The following CTIF variants were observed in gnomAD, a reference collection of about 807,000 sequenced individuals.
CTIF encodes CBP80/20-dependent translation initiation factor.
A neutral mutation model predicts 66.0 loss-of-function variants in CTIF; 21 were observed. The observed-to-expected ratio is 0.32, with a 90% confidence interval of 0.23 to 0.46. CTIF has a LOEUF of 0.46. CTIF is among the 20% of genes least tolerant of loss of function. The pLI is 1.00. For synonymous variants in CTIF, 345 were observed against 326.4 expected (o/e 1.06, Z -0.62); for missense variants, 739 against 812.7 (o/e 0.91, Z 1.10).
intron 1 of CTIF, among the ~76,000 whole-genome samples, chr18:48,562,931 A>G (rs1325707621): frequency 6.6e-6 from 1 of 152,238 alleles, no homozygotes; most frequent in Non-Finnish European, 1.5e-5. Context: ...AAATCAGCAA[A>G]GGAGACTGCA....
intron 7 of CTIF, among the ~76,000 whole-genome samples, chr18:48,750,515 A>G (rs1029504903): frequency 6.6e-6 from 1 of 152,242 alleles, no homozygotes; most frequent in Non-Finnish European, 1.5e-5. Flanking sequence ...GGCCACCCGA[A>G]AAACAATCCC....
intron 2 of CTIF, among the ~76,000 whole-genome samples, chr18:48,635,317 CTTTTT>C (rs1568091523): frequency 7.5e-6 from 1 of 132,944 alleles, no homozygotes; most frequent in Non-Finnish European, 1.6e-5. Context: ...TTTTCTTTTT[CTTTTT>C]CTTTCTTTTT....
chr18:48,834,097 G>A (rs1421731432), intron 10 of CTIF, among the ~76,000 whole-genome samples: 2 of 150,402 alleles, frequency 1.3e-5, no homozygotes, highest in Non-Finnish European at 3.0e-5. Context: ...GTCGGCAAAT[G>A]TCTGGTATGA....
chr18:48,729,473 G>A (rs1330841345), intron 7 of CTIF, among the ~76,000 whole-genome samples: 2 of 152,180 alleles, frequency 1.3e-5, no homozygotes, highest in Non-Finnish European at 2.9e-5. Flanking sequence ...AAATAAAGAT[G>A]GCTCCCCCAG....
intron 1 of CTIF, among the ~76,000 whole-genome samples, chr18:48,551,976 G>A (rs368437190): frequency 6.6e-6 from 1 of 151,850 alleles, no homozygotes; most frequent in African/African-American, 2.4e-5. Flanking sequence ...TATTTTTTTT[G>A]TATTTTTAGT....
chr18:48,643,132 T>A (rs2090964538), intron 3 of CTIF, among the ~76,000 whole-genome samples: 1 of 152,152 alleles, frequency 6.6e-6, no homozygotes, highest in African/African-American at 2.4e-5. Context: ...CCACCTCAAA[T>A]CCTTGATGGA....
intron 2 of CTIF, among the ~76,000 whole-genome samples, chr18:48,628,457 ATGT>A (rs1238611527): frequency 3.9e-5 from 6 of 152,118 alleles, no homozygotes; most frequent in African/African-American, 1.4e-4. Context: ...AGTCTTGAAG[ATGT>A]TGTTATTATT....
intron 1 of CTIF, among the ~76,000 whole-genome samples, chr18:48,571,405 C>G (rs1326732562): frequency 1.3e-5 from 2 of 152,222 alleles, no homozygotes; most frequent in African/African-American, 4.8e-5. Context: ...ATCCACCCTC[C>G]TCGGCCTCCC....
At chr18:48,823,568 C>T (rs751508255) in intron 10 of CTIF, among the ~76,000 whole-genome samples, 5 of 152,160 alleles carry the variant, frequency 3.3e-5, no homozygotes, top group Admixed American at 6.5e-5. Flanking sequence ...GCTGTAGCTT[C>T]GGGATACATT....
At chr18:48,623,404 C>T (rs1329911853) in intron 2 of CTIF, among the ~76,000 whole-genome samples, 13 of 152,168 alleles carry the variant, frequency 8.5e-5, no homozygotes, top group East Asian at 3.8e-4. Flanking sequence ...CCTGGGGTAC[C>T]GACTCTGGAA....
chr18:48,707,107 G>A (rs1598903494), intron 6 of CTIF, among the ~76,000 whole-genome samples: 1 of 152,204 alleles, frequency 6.6e-6, no homozygotes, highest in African/African-American at 2.4e-5. Context: ...TCTCATGTGG[G>A]GAGTGCAGGA....
intron 1 of CTIF, among the ~76,000 whole-genome samples, chr18:48,618,998 C>T (rs1005845224): frequency 5.9e-5 from 9 of 152,208 alleles, no homozygotes; most frequent in African/African-American, 7.2e-5. Flanking sequence ...TTATAAGTTA[C>T]GGCCCATAGG....
chr18:48,619,143 G>A (rs1037357576), intron 1 of CTIF, among the ~76,000 whole-genome samples: 3 of 152,242 alleles, frequency 2.0e-5, no homozygotes, highest in African/African-American at 7.2e-5. Flanking sequence ...TCTTGGTTCT[G>A]TTGTTTATTT....
intron 10 of CTIF, among the ~76,000 whole-genome samples, chr18:48,827,797 C>T (rs1287664579): frequency 2.0e-5 from 3 of 152,178 alleles, no homozygotes; most frequent in Non-Finnish European, 2.9e-5. Flanking sequence ...GCCGAAATAA[C>T]TTCCCACCCG....
chr18:48,613,757 C>T (rs959303491), intron 1 of CTIF, among the ~76,000 whole-genome samples: 66 of 152,154 alleles, frequency 4.3e-4, no homozygotes, highest in African/African-American at 1.4e-3. Context: ...CCAAGCTTGG[C>T]GGCCCTGGGT....
intron 9 of CTIF, among the ~76,000 whole-genome samples, chr18:48,775,687 G>A (rs1910605098): frequency 1.3e-5 from 2 of 152,264 alleles, no homozygotes; most frequent in Non-Finnish European, 2.9e-5. Flanking sequence ...ATCAGAGGAA[G>A]GGGCAAGCCC....
chr18:48,801,282 G>A (rs1044511008), intron 9 of CTIF, among the ~76,000 whole-genome samples: 3 of 152,136 alleles, frequency 2.0e-5, no homozygotes, highest in African/African-American at 7.2e-5. Context: ...ACCCCATATG[G>A]TCTCCAGAGG....
At chr18:48,718,549 G>A (rs1036122328) in intron 7 of CTIF, among the ~76,000 whole-genome samples, 10 of 152,192 alleles carry the variant, frequency 6.6e-5, no homozygotes, top group African/African-American at 2.4e-4. Context: ...CCAAGGGCAG[G>A]AGAAGATGGA....
chr18:48,612,161 A>G (rs1385337757), intron 1 of CTIF, among the ~76,000 whole-genome samples: 2 of 152,216 alleles, frequency 1.3e-5, no homozygotes, highest in Non-Finnish European at 2.9e-5. Flanking sequence ...TTGAATTATC[A>G]GGCCAGAGCT....
Sources: allele counts gnomAD v4.1 joint callset (sites outside exome capture counted in the v4.1 genomes callset), GRCh38; gene constraint gnomAD v4.1.1; transcripts MANE v1.5; gene names NCBI Gene and HGNC (gene_info 2026-07-23, HGNC 2026-07-21).